MIPEP: variants seen among roughly 807,000 people sequenced by gnomAD.
MIPEP encodes mitochondrial intermediate peptidase.
Under a neutral mutation model 90.3 loss-of-function variants are expected in MIPEP, and 79 were observed. The ratio of observed to expected loss-of-function variants is 0.87; its 90% confidence interval spans 0.73 to 1.05. MIPEP has a LOEUF of 1.05. Ranked by LOEUF, MIPEP falls within the 50% of genes least tolerant of loss-of-function variation. The pLI, the probability that MIPEP is intolerant of heterozygous loss-of-function variation, is 0.00. For synonymous variants in MIPEP, 334 were observed against 315.8 expected (o/e 1.06, Z -0.61); for missense variants, 940 against 905.6 (o/e 1.04, Z -0.49).
intron 1 of MIPEP, among the ~76,000 whole-genome samples, chr13:23,887,329 A>C (rs915252720): frequency 2.6e-5 from 4 of 152,242 alleles, no homozygotes; most frequent in African/African-American, 9.6e-5. Flanking sequence ...CACCTACTGC[A>C]TACCATGAAG....
chr13:23,813,049 G>A (rs949818217), intron 14 of MIPEP, among the ~76,000 whole-genome samples: 3 of 151,882 alleles, frequency 2.0e-5, no homozygotes, highest in Non-Finnish European at 2.9e-5. Flanking sequence ...ATTAATAAGT[G>A]TATTAATTGA....
intron 16 of MIPEP, among the ~76,000 whole-genome samples, chr13:23,780,898 T>C (rs1357276933): frequency 5.9e-5 from 9 of 151,686 alleles, no homozygotes; most frequent in African/African-American, 2.2e-4. Flanking sequence ...AAGAGAAGTT[T>C]AGAAAAAAAA....
chr13:23,850,836 A>T (rs1382580880), intron 10 of MIPEP, among the ~76,000 whole-genome samples: 1 of 152,276 alleles, frequency 6.6e-6, no homozygotes, highest in Non-Finnish European at 1.5e-5. Context: ...AACCAAAAAT[A>T]ACACCTATGT....
chr13:23,780,656 G>A (rs1174737608), intron 16 of MIPEP, among the ~76,000 whole-genome samples: 1 of 152,174 alleles, frequency 6.6e-6, no homozygotes, highest in Non-Finnish European at 1.5e-5. Flanking sequence ...AAACTTCTCC[G>A]AGCTAAAGGA....
chr13:23,845,950 G>A (rs1365373647), intron 10 of MIPEP, among the ~76,000 whole-genome samples: 2 of 148,578 alleles, frequency 1.3e-5, no homozygotes, highest in African/African-American at 5.0e-5. Context: ...ACGGAGTCAT[G>A]CTCTATCACC....
At position 23,882,750 on chromosome 13, in the gene MIPEP, G is replaced by T. The variant is rs111737009; in HGVS notation, c.364-963C>A. 1.8e-3 allele frequency among the ~76,000 whole-genome samples: 271 copies of T among 152,118 alleles called. 1 individual carries two copies. The highest frequency in any genetic ancestry group is 6.3e-3 in the African/African-American group (263 of 41,500). The stretch of plus-strand genomic sequence containing the variant: ...ATTTTATTATCAAATAGTTTTTAAT[G>T]CCAAAACATTTAAATCCATAGTTTG... On this transcript the variant is annotated intron_variant, in intron 2 of 18. Transcript: ENST00000382172.
chr13:23,829,315 G>A (rs1234664084), intron 14 of MIPEP, among the ~76,000 whole-genome samples: 1 of 152,114 alleles, frequency 6.6e-6, no homozygotes, highest in Non-Finnish European at 1.5e-5. Flanking sequence ...AGGAGTTTGA[G>A]ACCAGCCTGG....
At chr13:23,851,176 C>T (rs1326444528) in intron 10 of MIPEP, among the ~76,000 whole-genome samples, 12 of 152,202 alleles carry the variant, frequency 7.9e-5, no homozygotes, top group Admixed American at 7.8e-4. Context: ...CCTTTTCTGT[C>T]CTGCAGGGAT....
At chr13:23,841,256 A>G in intron 11 of MIPEP, 79 bp downstream of exon 11, 1 of 1,352,754 alleles carries the variant, frequency 7.4e-7, no homozygotes. Flanking sequence ...AGTTGATGTA[A>G]ACCTGAAACT....
intron 16 of MIPEP, among the ~76,000 whole-genome samples, chr13:23,803,252 A>G (rs1331380714): frequency 1.3e-5 from 2 of 152,044 alleles, no homozygotes; most frequent in East Asian, 3.9e-4. Context: ...AATCCCAGCT[A>G]CTCAGGAGGC....
intron 16 of MIPEP, among the ~76,000 whole-genome samples, chr13:23,787,653 A>G (rs1421407674): frequency 1.3e-5 from 2 of 152,168 alleles, no homozygotes; most frequent in Admixed American, 6.5e-5. Context: ...CGGCACTTCC[A>G]GGGAGTGCTC....
intron 14 of MIPEP, among the ~76,000 whole-genome samples, chr13:23,810,506 C>A (rs1566001794): frequency 6.6e-6 from 1 of 152,108 alleles, no homozygotes; most frequent in Non-Finnish European, 1.5e-5. Flanking sequence ...ATGAATTAGG[C>A]CTAACCCTAT....
At chr13:23,793,352 C>G (rs545163661) in intron 16 of MIPEP, among the ~76,000 whole-genome samples, 2 of 152,176 alleles carry the variant, frequency 1.3e-5, no homozygotes, top group South Asian at 2.1e-4. Context: ...ATGATGCCAC[C>G]TACATGAAGG....
intron 18 of MIPEP, among the ~76,000 whole-genome samples, chr13:23,755,495 C>T (rs1235372744): frequency 1.3e-5 from 2 of 152,218 alleles, no homozygotes; most frequent in Non-Finnish European, 2.9e-5. Flanking sequence ...TCAATTACTA[C>T]AATGAAAACA....
At chr13:23,791,018 T>C (rs1952893205) in intron 16 of MIPEP, among the ~76,000 whole-genome samples, 1 of 152,100 alleles carries the variant, frequency 6.6e-6, no homozygotes. Context: ...CACCCTGTCT[T>C]TTCAGCTAAC....
Position 23,874,840 on chromosome 13 carries a change from A to G in MIPEP, c.603+6T>C, listed in dbSNP as rs1354688301. On this transcript the variant is annotated splice_donor_region_variant and intron_variant, in intron 5 of 18. Coordinates refer to ENST00000382172, the MANE Select transcript of MIPEP (RefSeq NM_005932.4). The stretch of plus-strand genomic sequence containing the variant: ...GAAGAGTCAAAAAAACAGCAGAAAG[A>G]TGTACCTTTTCTTTGTCTAGATGGA... The G allele has an allele frequency of 1.3e-6, 2 of 1,583,980 alleles. No individual in the cohort carries two copies. The highest frequency in any genetic ancestry group is 1.7e-6 in the Non-Finnish European group (2 of 1,169,856).
In MIPEP at chr13:23,811,565, C is replaced by A. The variant is rs367974358; in HGVS notation, c.1654-1641G>T. ...ATAGATACACTTAAACAATCACCTG[C>A]CACTGCTAAGCTTGCTTTTCTATAA... On this transcript the variant is annotated intron_variant, in intron 14 of 18. Transcript: ENST00000382172. Among the ~76,000 whole-genome samples, 258 of 152,330 alleles carry A rather than the reference C, an allele frequency of 1.7e-3. 4 individuals are homozygous for A. Among genetic ancestry groups the A allele is most frequent in the South Asian group, 0.01 (49 of 4,830 alleles).
At chr13:23,743,785 C>T (rs1474034809) in intron 18 of MIPEP, among the ~76,000 whole-genome samples, 1 of 152,240 alleles carries the variant, frequency 6.6e-6, no homozygotes, top group Non-Finnish European at 1.5e-5. Context: ...AACACACCCA[C>T]ACATTAAACA....
chr13:23,834,494 G>C (rs947528329), intron 14 of MIPEP, among the ~76,000 whole-genome samples: 3 of 152,226 alleles, frequency 2.0e-5, no homozygotes, highest in Non-Finnish European at 4.4e-5. Flanking sequence ...GCGGGCAATG[G>C]GATGTTGCCT....
Sources: gnomAD v4.1 joint callset for allele counts (sites outside exome capture counted in the v4.1 genomes callset) on GRCh38, gnomAD v4.1.1 for gene constraint, MANE v1.5 for transcripts, NCBI Gene and HGNC (gene_info 2026-07-23, HGNC 2026-07-21) for gene names.